The following BMS1 variants were observed in gnomAD, a reference collection of about 807,000 sequenced individuals.
BMS1 encodes BMS1 ribosome biogenesis factor.
A neutral mutation model predicts 138.7 loss-of-function variants in BMS1; 53 were observed. The ratio of observed to expected loss-of-function variants is 0.38; its 90% CI spans 0.31 to 0.48. BMS1 has a LOEUF of 0.48. Ranked by LOEUF, BMS1 falls within the 20% of genes least tolerant of loss-of-function variation. The pLI, the probability that BMS1 is intolerant of heterozygous loss-of-function variation, is 0.97. For synonymous variants in BMS1, 504 were observed against 539.9 expected (o/e 0.93, Z 0.92); for missense variants, 1,360 against 1,565.5 (o/e 0.87, Z 2.22).
intron 13 of BMS1, among the ~76,000 whole-genome samples, chr10:42,808,184 T>C (rs1169233721): frequency 6.6e-6 from 1 of 152,110 alleles, no homozygotes; most frequent in Non-Finnish European, 1.5e-5. Context: ...AACTCCATCG[T>C]CGGATGTGTG....
At chr10:42,804,088 G>A (rs1298555953) in intron 13 of BMS1, among the ~76,000 whole-genome samples, 1 of 152,190 alleles carries the variant, frequency 6.6e-6, no homozygotes, top group African/African-American at 2.4e-5. Context: ...TTGTTGGCTA[G>A]TGGGTAGTCC....
chr10:42,828,861 G>T (rs368613749), intron 21 of BMS1, among the ~76,000 whole-genome samples: 2 of 152,010 alleles, frequency 1.3e-5, no homozygotes, highest in African/African-American at 2.4e-5. Flanking sequence ...ATTTTGAACC[G>T]TCTTACATGA....
intron 21 of BMS1, among the ~76,000 whole-genome samples, chr10:42,828,025 T>C (rs982023449): frequency 1.3e-5 from 2 of 152,214 alleles, no homozygotes; most frequent in Non-Finnish European, 2.9e-5. Context: ...TTAATGTACA[T>C]ACAGAAGAGT....
At chr10:42,812,709 G>C (rs1842218780) in intron 13 of BMS1, among the ~76,000 whole-genome samples, 2 of 152,230 alleles carry the variant, frequency 1.3e-5, no homozygotes, top group Non-Finnish European at 2.9e-5. Context: ...ACCATACTCT[G>C]TAGTGGAGTG....
intron 12 of BMS1, among the ~76,000 whole-genome samples, chr10:42,799,757 C>A (rs970695073): frequency 6.6e-6 from 1 of 152,214 alleles, no homozygotes; most frequent in African/African-American, 2.4e-5. Flanking sequence ...GAGGTGTAGT[C>A]CAGCCTCTTA....
chr10:42,804,540 C>T (rs1415929394), intron 13 of BMS1, among the ~76,000 whole-genome samples: 7 of 151,972 alleles, frequency 4.6e-5, no homozygotes, highest in Admixed American at 3.9e-4. Flanking sequence ...AATATCTGTC[C>T]AAATCTTTTG....
intron 15 of BMS1, among the ~76,000 whole-genome samples, chr10:42,819,726 G>A (rs894908977): frequency 3.9e-5 from 6 of 152,354 alleles, no homozygotes; most frequent in Middle Eastern, 6.8e-3. Context: ...CTTGGAGCAG[G>A]AGAGAAGAAA....
In BMS1 at chr10:42,798,488, G is replaced by A. The variant is rs1454531734; in HGVS notation, c.2110G>A (p.Glu704Lys). The change falls in exon 12 of 23, where the codon GAA becomes AAA. Residue 704 changes from glutamate (E) to lysine (K), a missense_variant. Transcript: ENST00000374518. ...TTTAGTGACAGAAGATAATGAAGAA[G>A]AAGATGATGATACTCTAGAAGAGCT... The part of the protein sequence containing the change: ...YGTVTEDNEE[E>K]DDDTLEELGG... 1.9e-6 allele frequency: 3 copies of A among 1,614,220 alleles called. No homozygotes were observed. The highest frequency in any genetic ancestry group is 2.5e-6 in the Non-Finnish European group (3 of 1,180,046).
At position 42,797,166 on chromosome 10, in the gene BMS1, T is replaced by C. The variant is rs1442934905; in HGVS notation, c.1922T>C (p.Ile641Thr). The change falls in exon 10 of 23, where the codon ATA (isoleucine) becomes ACA (threonine). Residue 641 changes from isoleucine to threonine, a missense_variant. Ile to Thr is a moderately conservative substitution (Grantham distance 89, BLOSUM62 -1). Around this residue, in one of 3 missense-constraint regions of BMS1, gnomAD observed 697 missense variants for 686.2 expected, o/e 1.02. Transcript: ENST00000374518. Reference protein sequence around the residue: ...PQNFIDETSDIENLLKEEEDY... With the variant: ...PQNFIDETSDTENLLKEEEDY... ...AACTTCATTGATGAGACCAGTGATA[T>C]AGAAAATTTACTCAAAGAGGAAGAA... 5 of 1,613,282 alleles carry C rather than the reference T, an allele frequency of 3.1e-6. No homozygotes were observed. Among genetic ancestry groups the C allele is most frequent in the Admixed American group, 3.3e-5 (2 of 59,854 alleles).
In BMS1 at chr10:42,797,180, A is replaced by G; in HGVS notation, c.1936A>G (p.Lys646Glu). Reference protein sequence around the residue: ...DETSDIENLLKEEEDYKEENN... With the variant: ...DETSDIENLLEEEEDYKEENN... ...GACCAGTGATATAGAAAATTTACTCAAAGAGGAAGAAGATTACAAGGAAGA... is the reference window on the plus strand; with the variant it reads ...GACCAGTGATATAGAAAATTTACTCGAAGAGGAAGAAGATTACAAGGAAGA... Residue 646 changes from lysine to glutamate, a missense_variant, in exon 10 of 23, where the codon AAA becomes GAA. Lys to Glu is a moderately conservative substitution (Grantham distance 56). Transcript: ENST00000374518. 6.2e-7 allele frequency: 1 copy of G among 1,611,942 alleles called. No homozygotes were observed. Among genetic ancestry groups the G allele is most frequent in the Non-Finnish European group, 8.5e-7 (1 of 1,179,386 alleles).
At position 42,797,492 on chromosome 10, in the gene BMS1, T is replaced by G; in HGVS notation, c.2058T>G (p.Ala686=). The change falls in exon 11 of 23, where the codon GCT becomes GCG. Residue 686 remains alanine, a synonymous_variant. Transcript: ENST00000374518. ...CCTTTCTGAGGCAGCAGCAAGCAGC[T>G]CCAAACCTCCGAAAGCTTATTTATG... ...AEAFLRQQQA[A]PNLRKLIYGT... is the part of the protein sequence containing the mutation. 1 of 1,614,194 alleles carries G rather than the reference T, an allele frequency of 6.2e-7. No individual in the cohort carries two copies. The highest frequency in any genetic ancestry group is 8.5e-7 in the Non-Finnish European group (1 of 1,180,018).
chr10:42,796,525 G>A lies in BMS1; in HGVS notation c.1281G>A (p.Met427Ile). The A allele has an allele frequency of 6.2e-7, 1 of 1,614,206 alleles. No homozygotes were observed. Among genetic ancestry groups the A allele is most frequent in the Admixed American group, 1.7e-5 (1 of 60,030 alleles). The change falls in exon 10 of 23, where the codon ATG (methionine) becomes ATA (isoleucine). Residue 427 changes from methionine (M) to isoleucine (I), a missense_variant. This residue lies in a region of BMS1 where 697 missense variants were observed against 686.2 expected (regional missense o/e 1.02). Coordinates refer to ENST00000374518, the MANE Select transcript of BMS1 (RefSeq NM_014753.4). The stretch of plus-strand genomic sequence containing the variant: ...AAATGGACTTGAACACTGGTCGAAT[G>A]CGTCGGAAAGCCATTTTCGGAGATG... ...EKQMDLNTGR[M>I]RRKAIFGDED...
chr10:42,789,675 A>G (rs896656024), intron 4 of BMS1, among the ~76,000 whole-genome samples: 1 of 152,140 alleles, frequency 6.6e-6, no homozygotes, highest in Non-Finnish European at 1.5e-5. Flanking sequence ...AACATATAAG[A>G]TAGAGGTTTC....
chr10:42,799,151 AGGCT>A (rs1230482750), intron 12 of BMS1, among the ~76,000 whole-genome samples: 3 of 152,072 alleles, frequency 2.0e-5, no homozygotes, highest in Non-Finnish European at 4.4e-5. Flanking sequence ...TCTGCAGCCC[AGGCT>A]GGAGTGTAGT....
At chr10:42,793,758 G>T in intron 8 of BMS1, 94 bp from the exon 9 acceptor site, 1 of 1,391,880 alleles carries the variant, frequency 7.2e-7, no homozygotes, top group Non-Finnish European at 9.8e-7. Flanking sequence ...CTTAGGAAAT[G>T]TGTCTAAGAT....
In BMS1 at chr10:42,796,877, G is replaced by A. The variant is rs765302499; in HGVS notation, c.1633G>A (p.Glu545Lys). Residue 545 changes from glutamate to lysine, a missense_variant, in exon 10 of 23, where the codon GAA (glutamate) becomes AAA (lysine). By Grantham distance (56) the Glu-to-Lys change is moderately conservative. This residue lies in a region of BMS1 where 697 missense variants were observed against 686.2 expected (regional missense o/e 1.02). Coordinates refer to ENST00000374518, the MANE Select transcript of BMS1 (RefSeq NM_014753.4). ...CATTTCAGGATCAAAGGCTGCTGGA[G>A]AAGGTAGTAAAGCAGGGCTGTCACC... Reference protein sequence around the residue: ...KGISGSKAAGEGSKAGLSPAN... With the variant: ...KGISGSKAAGKGSKAGLSPAN... 1.2e-6 allele frequency: 2 copies of A among 1,614,110 alleles called. No homozygotes were observed. Among genetic ancestry groups the A allele is most frequent in the African/African-American group, 1.3e-5 (1 of 74,930 alleles).
intron 4 of BMS1, among the ~76,000 whole-genome samples, chr10:42,787,694 G>A (rs1564408004): frequency 6.6e-6 from 1 of 152,172 alleles, no homozygotes. Flanking sequence ...AGATGAAATA[G>A]AGCCTGCCAG....
At position 42,831,549 on chromosome 10, in the gene BMS1, T is replaced by C. The variant is rs1195363909; in HGVS notation, c.*453T>C. 4 of 162,186 alleles carry C rather than the reference T, an allele frequency of 2.5e-5. No homozygotes were observed. Among genetic ancestry groups the C allele is most frequent in the African/African-American group, 1.1e-4 (4 of 37,442 alleles). 10.0% of individuals were successfully genotyped at this position (162,186 alleles called of 1,614,324 possible). The stretch of plus-strand genomic sequence containing the variant: ...AGCTCCCATGGAAGATTTTAGAGAA[T>C]AGTGTGTAGTGTTTTTGTTTTGTTT... On this transcript the variant is annotated 3_prime_UTR_variant, in exon 23 of 23. Coordinates refer to ENST00000374518, the MANE Select transcript of BMS1 (RefSeq NM_014753.4).
Position 42,798,514 on chromosome 10 carries a change from T to G in BMS1, c.2136T>G (p.Leu712=), listed in dbSNP as rs1328493113. ...AAGATGATGATACTCTAGAAGAGCT[T>G]GGAGGGTTGTTTCGTGTCAACCAGC... The part of the protein sequence containing the change: ...EEEDDDTLEE[L]GGLFRVNQPD... The change falls in exon 12 of 23, where the codon CTT becomes CTG. Residue 712 remains leucine, a synonymous_variant. Coordinates refer to ENST00000374518, the MANE Select transcript of BMS1 (RefSeq NM_014753.4). 1 of 1,614,230 alleles carries G rather than the reference T, an allele frequency of 6.2e-7. No homozygotes were observed. Among genetic ancestry groups the G allele is most frequent in the Non-Finnish European group, 8.5e-7 (1 of 1,180,038 alleles).
Sources: gnomAD v4.1 joint callset for allele counts (sites outside exome capture counted in the v4.1 genomes callset) on GRCh38, gnomAD v4.1.1 for gene constraint, gnomAD v4.1.1 regional missense constraint, MANE v1.5 for transcripts, NCBI Gene and HGNC (gene_info 2026-07-23, HGNC 2026-07-21) for gene names.